Variants in NCKAP5 observed in about 807,000 individuals in gnomAD.
The protein encoded by NCKAP5 is nck-associated protein 5.
Under a neutral mutation model 167.0 loss-of-function variants are expected in NCKAP5, and 92 were observed. That is an observed-to-expected ratio of 0.55 (90% CI 0.47 to 0.66). The LOEUF (loss-of-function observed/expected upper bound fraction) is 0.66. Among genes scored for constraint, NCKAP5 ranks in the 30% least tolerant of loss-of-function variants. NCKAP5 has a pLI of 0.00. For synonymous variants in NCKAP5, 891 were observed against 877.4 expected, an observed-to-expected ratio of 1.02 and a Z score of -0.27; for missense variants, 2,378 against 2,315.0, an observed-to-expected ratio of 1.03 and a Z score of -0.56.
chr2:133,655,671 T>C, the NCKAP5 span, among the ~76,000 whole-genome samples: 2 of 152,228 alleles, frequency 1.3e-5, no homozygotes, highest in Non-Finnish European at 2.9e-5. Flanking sequence ...AAGTGTCTTA[T>C]TTTAGATAAT....
chr2:132,732,842 G>A (rs1691159671), intron 16 of NCKAP5, among the ~76,000 whole-genome samples: 1 of 152,170 alleles, frequency 6.6e-6, no homozygotes, highest in African/African-American at 2.4e-5. Flanking sequence ...GTGGGGACAA[G>A]TAATTCACAC....
At chr2:133,007,350 G>T (rs1463481796) in intron 6 of NCKAP5, among the ~76,000 whole-genome samples, 1 of 152,236 alleles carries the variant, frequency 6.6e-6, no homozygotes. Flanking sequence ...GCTGATGTGA[G>T]AAGGGCAGAA....
At chr2:133,189,678 A>G (rs535636835) in intron 5 of NCKAP5, among the ~76,000 whole-genome samples, 1 of 152,350 alleles carries the variant, frequency 6.6e-6, no homozygotes, top group African/African-American at 2.4e-5. Context: ...AACAAAAGAC[A>G]AAAATCACAT....
In NCKAP5 at chr2:133,141,017, T is replaced by G. The variant is rs181139915; in HGVS notation, c.208-10906A>C. ...CAATACATACTTGTTAAGCTCCACA[T>G]GAATCCTCTTGACCCCCCACGACCT... On this transcript the variant is annotated intron_variant, in intron 5 of 19. Transcript: ENST00000409261. 5.3e-5 allele frequency among the ~76,000 whole-genome samples: 8 copies of G among 152,196 alleles called. No homozygotes were observed. In the East Asian group the frequency reaches 1.5e-3, roughly 29 times the overall value.
At chr2:133,075,205 C>T (rs946734517) in intron 6 of NCKAP5, among the ~76,000 whole-genome samples, 15 of 152,032 alleles carry the variant, frequency 9.9e-5, no homozygotes, top group Admixed American at 2.0e-4. Flanking sequence ...AATAGTAAAA[C>T]GGTACTTTTG....
intron 7 of NCKAP5, among the ~76,000 whole-genome samples, chr2:132,989,355 G>T (rs530572519): frequency 6.6e-6 from 1 of 152,224 alleles, no homozygotes; most frequent in African/African-American, 2.4e-5. Flanking sequence ...ATGAAATGGT[G>T]GTGTGAGTGA....
chr2:133,204,917 A>C (rs1028114504), intron 5 of NCKAP5, among the ~76,000 whole-genome samples: 1 of 152,174 alleles, frequency 6.6e-6, no homozygotes, highest in South Asian at 2.1e-4. Flanking sequence ...TGCATATTTT[A>C]CAAGTCTTTT....
chr2:133,123,897 C>A (rs2082323526), intron 6 of NCKAP5: 1 of 444,382 alleles, frequency 2.3e-6, no homozygotes, highest in African/African-American at 2.0e-5. Context: ...CTCTTCAACA[C>A]ACACTTCTAT....
chr2:133,627,132 A>T, the NCKAP5 span, among the ~76,000 whole-genome samples: 2 of 152,116 alleles, frequency 1.3e-5, no homozygotes, highest in Non-Finnish European at 2.9e-5. Context: ...CTTTAAAAAC[A>T]AAAAGCTAGG....
chr2:133,514,093 T>TA (rs1411709138), intron 3 of NCKAP5, among the ~76,000 whole-genome samples: 1 of 152,208 alleles, frequency 6.6e-6, no homozygotes, highest in East Asian at 1.9e-4. Flanking sequence ...GGGTGATTTT[T>TA]ATCGTTATCA....
chr2:133,040,774 G>C (rs1392111834), intron 6 of NCKAP5, among the ~76,000 whole-genome samples: 1 of 152,156 alleles, frequency 6.6e-6, no homozygotes, highest in Non-Finnish European at 1.5e-5. Flanking sequence ...ATAAGAATGA[G>C]TTACTTTACA....
Position 133,251,337 on chromosome 2 carries a change from G to T in NCKAP5, c.144-37558C>A, listed in dbSNP as rs554564304. 1.6e-4 allele frequency among the ~76,000 whole-genome samples: 24 copies of T among 152,246 alleles called. No homozygotes were observed. In the South Asian group the frequency reaches 5.0e-3, roughly 32 times the overall value. On this transcript the variant is annotated intron_variant, in intron 4 of 19. Coordinates refer to ENST00000409261, the MANE Select transcript of NCKAP5 (RefSeq NM_207363.3). ...ACAGTGAGGGATGCCTGTATCTGCT[G>T]CTAGCCACATACAGTGGAGTGGAAA...
At position 133,023,227 on chromosome 2, in the gene NCKAP5, C is replaced by T. The variant is rs557744900; in HGVS notation, c.342-28988G>A. On this transcript the variant is annotated intron_variant, in intron 6 of 19. Transcript: ENST00000409261. ...GGACAAGAGACAACTAGTACAAGCA[C>T]CAAGTGTTAAACAGCTTCTCTCCAT... is the stretch of plus-strand genomic sequence containing the variant. Among the ~76,000 whole-genome samples the T allele has an allele frequency of 5.3e-5, 8 of 152,318 alleles. 1 individual carries two copies. In the South Asian group the frequency reaches 1.4e-3, roughly 28 times the overall value.
At chr2:133,310,277 G>A (rs770545097) in intron 3 of NCKAP5, among the ~76,000 whole-genome samples, 47 of 152,138 alleles carry the variant, frequency 3.1e-4, no homozygotes, top group Non-Finnish European at 4.3e-4. Flanking sequence ...AACACCACAA[G>A]CAAATCAATT....
intron 6 of NCKAP5, among the ~76,000 whole-genome samples, chr2:133,065,214 A>C (rs1172478606): frequency 6.6e-6 from 1 of 152,162 alleles, no homozygotes; most frequent in Non-Finnish European, 1.5e-5. Context: ...ATACTTCCAC[A>C]TTAGAAGGAA....
chr2:133,112,951 C>T (rs951988220), intron 6 of NCKAP5, among the ~76,000 whole-genome samples: 29 of 152,182 alleles, frequency 1.9e-4, no homozygotes, highest in African/African-American at 6.3e-4. Flanking sequence ...CAAATGGATA[C>T]GATGAAACGT....
At chr2:133,426,364 T>C (rs1199299629) in intron 3 of NCKAP5, among the ~76,000 whole-genome samples, 1 of 143,868 alleles carries the variant, frequency 7.0e-6, no homozygotes, top group Non-Finnish European at 1.5e-5. Context: ...GGAAAATATA[T>C]AGCCTTAAAT....
the NCKAP5 span, among the ~76,000 whole-genome samples, chr2:133,620,343 T>C: frequency 6.6e-6 from 1 of 152,016 alleles, no homozygotes; most frequent in Non-Finnish European, 1.5e-5. Context: ...TGGAGAATAA[T>C]ACGTCAACCA....
intron 2 of NCKAP5, among the ~76,000 whole-genome samples, chr2:133,533,206 C>T (rs1339956987): frequency 6.6e-6 from 1 of 152,210 alleles, no homozygotes; most frequent in South Asian, 2.1e-4. Context: ...GAGCTGTGCC[C>T]ATCTGGGCAG....
Sources: gnomAD v4.1 joint callset for allele counts (sites outside exome capture counted in the v4.1 genomes callset) on GRCh38, gnomAD v4.1.1 for gene constraint, MANE v1.5 for transcripts, NCBI Gene and HGNC (gene_info 2026-07-23, HGNC 2026-07-21) for gene names.